The following PDLIM2 variants were observed in gnomAD, a reference collection of about 807,000 sequenced individuals.
PDLIM2 encodes PDZ and LIM domain protein 2.
Under a neutral mutation model 54.1 loss-of-function variants are expected in PDLIM2, and 51 were observed. The ratio of observed to expected loss-of-function variants is 0.94; its 90% CI spans 0.75 to 1.19. PDLIM2 has a LOEUF of 1.19. Among genes scored for constraint, PDLIM2 ranks in the 50% most tolerant of loss-of-function variants. The pLI is 0.00. For missense variants in PDLIM2, 912 were observed against 874.0 expected, an observed-to-expected ratio of 1.04 and a Z score of -0.55; for synonymous variants, 398 against 385.6, an observed-to-expected ratio of 1.03 and a Z score of -0.38.
chr8:22,587,311 T>C (rs1193202164), intron 6 of PDLIM2, among the ~76,000 whole-genome samples: 2 of 151,836 alleles, frequency 1.3e-5, no homozygotes, highest in Non-Finnish European at 2.9e-5. Context: ...GGCGGGAGGA[T>C]TGCTTGAGCC....
chr8:22,587,500 C>CCCCTG (rs1187011517), intron 6 of PDLIM2, among the ~76,000 whole-genome samples: 12 of 152,236 alleles, frequency 7.9e-5, no homozygotes, highest in Admixed American at 4.6e-4. Context: ...TACCCCTGAC[C>CCCCTG]CCCTGCCCTG....
intron 3 of PDLIM2, among the ~76,000 whole-genome samples, chr8:22,584,106 A>G (rs1368102535): frequency 6.6e-6 from 1 of 151,444 alleles, no homozygotes; most frequent in Non-Finnish European, 1.5e-5. Context: ...GGGTCAAGCA[A>G]TTCTCCTGCC....
At chr8:22,582,643 G>T (rs1411911310) in intron 3 of PDLIM2, among the ~76,000 whole-genome samples, 1 of 149,150 alleles carries the variant, frequency 6.7e-6, no homozygotes, top group Admixed American at 6.7e-5. Context: ...GTGCAGTAGC[G>T]TGATCTCGGC....
At chr8:22,582,459 C>T (rs1045559795) in intron 3 of PDLIM2, among the ~76,000 whole-genome samples, 2 of 152,054 alleles carry the variant, frequency 1.3e-5, no homozygotes. Flanking sequence ...AGGGCAGGAG[C>T]CTCGGACTGT....
downstream of PDLIM2, chr8:22,596,587 C>T (rs1257380343): frequency 6.6e-6 from 1 of 152,292 alleles, no homozygotes; most frequent in Admixed American, 6.5e-5. Flanking sequence ...TGTTCCCGGA[C>T]TTTGTCCAGT....
chr8:22,589,731 TGAG>T (rs1255953633), exon 8 of PDLIM2: 10 of 1,566,834 alleles, frequency 6.4e-6, no homozygotes, highest in Non-Finnish European at 8.7e-6. Context: ...CCCTGGAGGC[TGAG>T]GAGAGAGGTG....
At chr8:22,580,310 C>G (rs3735891) in intron 1 of PDLIM2, 165 bp from the exon 1 acceptor site, 96,518 of 494,924 alleles carry the variant, frequency 0.2, 10,331 homozygotes, top group Non-Finnish European at 0.22. Flanking sequence ...CCCCCATGCT[C>G]CAGCAAGCCC....
At chr8:22,591,469 C>G (rs1332642507) in intron 8 of PDLIM2, 82 bp from the exon 8 acceptor site, 4 of 1,312,768 alleles carry the variant, frequency 3.0e-6, no homozygotes, top group East Asian at 2.3e-5. Context: ...GGGTGCTTTC[C>G]AAGACCACCT....
intron 3 of PDLIM2, among the ~76,000 whole-genome samples, chr8:22,583,269 C>T (rs1319203421): frequency 6.6e-6 from 1 of 152,044 alleles, no homozygotes; most frequent in Non-Finnish European, 1.5e-5. Context: ...TGGAAGGAGG[C>T]AGGCGGGTCT....
chr8:22,589,091 C>T, intron 6 of PDLIM2: 1 of 497,048 alleles, frequency 2.0e-6, no homozygotes, highest in Non-Finnish European at 3.7e-6. Flanking sequence ...CGCCCTGGCT[C>T]CGAGGGAAGG....
exon 10 of PDLIM2, chr8:22,593,962 T>C: frequency 4.6e-6 from 7 of 1,519,556 alleles, no homozygotes; most frequent in Non-Finnish European, 6.2e-6. Flanking sequence ...CATGCCTATA[T>C]AAGTTGGCAT....
At chr8:22,585,395 G>C (rs11989168) in exon 6 of PDLIM2, 1 of 1,607,950 alleles carries the variant, frequency 6.2e-7, no homozygotes. Context: ...CCTGGAAGCC[G>C]ACAGGTGAGG....
rs1040551667 is a variant in PDLIM2 at position 22,579,135 on chromosome 8, C to T, written c.356C>T (p.Ser119Leu). 15 of 1,310,410 alleles carry T rather than the reference C, an allele frequency of 1.1e-5. No homozygotes were observed. In the African/African-American group the frequency reaches 1.7e-4, roughly 15 times the overall value. The allele number at this position is 1,310,410 out of a possible 1,614,324, so 81.2% of individuals were successfully genotyped here. A position where few individuals can be genotyped will look rare whatever the true frequency, so the allele number is the denominator to read the frequency against. Residue 119 changes from serine (S) to leucine (L), a missense_variant, in exon 1 of 10, where the codon TCG (serine) becomes TTG (leucine). By Grantham distance (145) the Ser-to-Leu change is moderately radical. Coordinates refer to ENST00000308354, the Ensembl canonical transcript of PDLIM2. Reference sequence around the variant, plus strand: ...GCCCCGGGCGGGCTCTCCCCAGAGTCGGGTAGACGGCAGCGGGAGCGGTGG... The same window carrying T: ...GCCCCGGGCGGGCTCTCCCCAGAGTTGGGTAGACGGCAGCGGGAGCGGTGG...
In PDLIM2 at chr8:22,582,175, C is replaced by T. The variant is rs564090919; in HGVS notation, c.995+645C>T. On this transcript the variant is annotated intron_variant, in intron 3 of 9. Transcript: ENST00000308354. The stretch of plus-strand genomic sequence containing the variant: ...CAGATCGGGAATGCCAGGAGATCCC[C>T]GAGCCAGGAGAGCCCTCTGCACGGG... 1.8e-4 allele frequency among the ~76,000 whole-genome samples: 27 copies of T among 152,304 alleles called. No individual in the cohort carries two copies. The South Asian group carries it at 4.3e-3, about 25-fold the overall frequency.
At position 22,591,761 on chromosome 8, in the gene PDLIM2, T is replaced by C; in HGVS notation, c.1631+93T>C. 3.3e-6 allele frequency: 4 copies of C among 1,209,194 alleles called. No homozygotes were observed. The South Asian group carries it at 6.0e-5, about 18-fold the overall frequency. The allele number at this position is 1,209,194 out of a possible 1,614,324, so 74.9% of individuals were successfully genotyped here. ...ATGCTTTCAGGAAGGGCCGGGCCCA[T>C]CAGGGGCTAGCACTGGGTACCCAGT... On this transcript the variant is annotated intron_variant, in intron 9 of 9. Coordinates refer to ENST00000308354, the Ensembl canonical transcript of PDLIM2.
At chr8:22,581,044 T>C (rs1406475052) in intron 2 of PDLIM2, 1 of 655,288 alleles carries the variant, frequency 1.5e-6, no homozygotes, top group East Asian at 3.2e-5. Flanking sequence ...GCTGGGAACA[T>C]TCACAGGAGG....
rs1247990203 is a variant in PDLIM2 at position 22,579,214 on chromosome 8, G to C, written c.435G>C (p.Glu145Asp). Reference sequence around the variant, plus strand: ...CCTGGGCGCCCAGCCGGACAGGTGAGCGGCAGCCAGGTGAGCGCGCCCACC... The same window carrying C: ...CCTGGGCGCCCAGCCGGACAGGTGACCGGCAGCCAGGTGAGCGCGCCCACC... Residue 145 changes from glutamate (E) to aspartate (D), a missense_variant, in exon 1 of 10, where the codon GAG becomes GAC. Coordinates refer to ENST00000308354, the Ensembl canonical transcript of PDLIM2. The C allele has an allele frequency of 1.2e-5, 17 of 1,386,828 alleles. No homozygotes were observed. The highest frequency in any genetic ancestry group is 2.6e-4 in the Middle Eastern group (1 of 3,856). 85.9% of individuals were successfully genotyped at this position (1,386,828 alleles called of 1,614,324 possible).
At chr8:22,584,887 C>G in exon 4 of PDLIM2, 1 of 1,614,142 alleles carries the variant, frequency 6.2e-7, no homozygotes, top group African/African-American at 1.3e-5. Flanking sequence ...CGACTCGCTT[C>G]CAGGTAAGCT....
intron 3 of PDLIM2, 148 bp downstream of exon 2, chr8:22,581,678 G>A: frequency 8.7e-7 from 1 of 1,151,468 alleles, no homozygotes; most frequent in Non-Finnish European, 1.2e-6. Flanking sequence ...AGAAGGTCCT[G>A]GGCTCTGCTT....
Sources: gnomAD v4.1 joint callset for allele counts (sites outside exome capture counted in the v4.1 genomes callset) on GRCh38, gnomAD v4.1.1 for gene constraint, MANE v1.5 for transcripts, NCBI Gene and HGNC (gene_info 2026-07-23, HGNC 2026-07-21) for gene names.